PRKCZ: variants seen among roughly 807,000 people sequenced by gnomAD.
PRKCZ encodes protein kinase C zeta type.
In PRKCZ, 33 loss-of-function variants were observed where a neutral mutation model predicts 79.5. That is an observed-to-expected ratio of 0.41 (90% CI 0.31 to 0.55). PRKCZ has a LOEUF of 0.55. PRKCZ is among the 20% of genes least tolerant of loss of function. The probability of loss-of-function intolerance (pLI) is 0.19; values close to 1 mark genes in which losing one functional copy is unlikely to be tolerated. For synonymous variants in PRKCZ, 342 were observed against 320.9 expected, an observed-to-expected ratio of 1.07 and a Z score of -0.70; for missense variants, 578 against 813.5, an observed-to-expected ratio of 0.71 and a Z score of 3.52.
chr1:2,140,739 C>T (rs1203545136), intron 5 of PRKCZ, among the ~76,000 whole-genome samples: 1 of 152,152 alleles, frequency 6.6e-6, no homozygotes, highest in Non-Finnish European at 1.5e-5. Context: ...GAGGCTGGAG[C>T]GGGCAGATCA....
intron 16 of PRKCZ, among the ~76,000 whole-genome samples, chr1:2,180,746 G>A (rs1686445119): frequency 6.6e-6 from 1 of 152,282 alleles, no homozygotes; most frequent in Admixed American, 6.5e-5. Context: ...CCACCCCAGG[G>A]CTCTCTGGGC....
intron 4 of PRKCZ, among the ~76,000 whole-genome samples, chr1:2,064,061 A>G (rs1440354091): frequency 6.6e-6 from 1 of 151,908 alleles, no homozygotes; most frequent in Non-Finnish European, 1.5e-5. Context: ...TGGCCAGGTT[A>G]GTCTTGAACT....
intron 4 of PRKCZ, among the ~76,000 whole-genome samples, chr1:2,096,049 G>A (rs1666453013): frequency 6.6e-6 from 1 of 151,430 alleles, no homozygotes; most frequent in Non-Finnish European, 1.5e-5. Context: ...TGGGATCAGG[G>A]CAGCCAGGCA....
chr1:2,112,934 C>T (rs529110437), intron 4 of PRKCZ, among the ~76,000 whole-genome samples: 17 of 152,340 alleles, frequency 1.1e-4, no homozygotes, highest in African/African-American at 3.6e-4. Flanking sequence ...TCAGGCGATC[C>T]GCCTGCCTTG....
In PRKCZ at chr1:2,174,602, C is replaced by G; in HGVS notation, c.1406-152C>G. 1 of 705,010 alleles carries G rather than the reference C, an allele frequency of 1.4e-6. No homozygotes were observed. The highest frequency in any genetic ancestry group is 2.4e-6 in the Non-Finnish European group (1 of 420,890). 43.7% of individuals were successfully genotyped at this position (705,010 alleles called of 1,614,324 possible). A position where few individuals can be genotyped will look rare whatever the true frequency, so the allele number is the denominator to read the frequency against. ...GCCCAGGGAGGACCCGGCGGGACTC[C>G]GGGTTATAGATATTGCTGGGCTGTA... On this transcript the variant is annotated intron_variant, in intron 14 of 17. Transcript: ENST00000378567. This position sits in a 1 kb window ranked among gnomAD's most constrained non-coding sequence, Gnocchi z 6.2.
Position 2,169,548 on chromosome 1 carries a change from C to A in PRKCZ, c.1005C>A (p.Gly335=). ...RLFLVIEYVN[G]GDLMFHMQRQ... ...TCCTGGTCATTGAGTACGTCAACGG[C>A]GGGGACCTGATGTTCCACATGCAGA... is the stretch of plus-strand genomic sequence containing the variant. Residue 335 remains glycine, a synonymous_variant, in exon 11 of 18, where the codon GGC becomes GGA. Transcript: ENST00000378567. 1 of 1,543,390 alleles carries A rather than the reference C, an allele frequency of 6.5e-7. No homozygotes were observed. Among genetic ancestry groups the A allele is most frequent in the Non-Finnish European group, 8.8e-7 (1 of 1,141,634 alleles).
chr1:2,120,183 T>C, intron 4 of PRKCZ, among the ~76,000 whole-genome samples: 1 of 151,702 alleles, frequency 6.6e-6, no homozygotes, highest in Non-Finnish European at 1.5e-5. Context: ...AGCAGCCTTG[T>C]GAAGGACAGA....
intron 4 of PRKCZ, among the ~76,000 whole-genome samples, chr1:2,124,891 A>T (rs566551148): frequency 6.6e-6 from 1 of 151,888 alleles, no homozygotes; most frequent in African/African-American, 2.4e-5. Context: ...CTTATTTTCC[A>T]GCTTTCGTCG....
At chr1:2,167,900 G>A (rs144928726) in intron 10 of PRKCZ, among the ~76,000 whole-genome samples, 247 of 152,206 alleles carry the variant, frequency 1.6e-3, no homozygotes, top group African/African-American at 5.6e-3. Flanking sequence ...GAGCCACCAC[G>A]CCCAGGCACT....
intron 4 of PRKCZ, among the ~76,000 whole-genome samples, chr1:2,107,346 T>TC (rs912572927): frequency 6.6e-6 from 1 of 152,224 alleles, no homozygotes; most frequent in African/African-American, 2.4e-5. Context: ...CCTGCTTTTT[T>TC]CCCGCACGTC....
rs1443531469 is a variant in PRKCZ at position 2,114,984 on chromosome 1, A to C, written c.335-20278A>C. Among the ~76,000 whole-genome samples the C allele has an allele frequency of 5.9e-5, 9 of 152,238 alleles. 1 individual carries two copies. Among genetic ancestry groups the C allele is most frequent in the Admixed American group, 5.9e-4 (9 of 15,284 alleles). On this transcript the variant is annotated intron_variant, in intron 4 of 17. Transcript: ENST00000378567. ...AACTCCACGAGTTTTTACAAAGCAA[A>C]CTGCACCGCGTCACATAGCTGATCC...
chr1:2,055,745 C>G, intron 2 of PRKCZ, 183 bp downstream of exon 2: 1 of 888,380 alleles, frequency 1.1e-6, no homozygotes, highest in South Asian at 1.9e-5. Context: ...AGATGCTTAT[C>G]AAGGACCTGG....
chr1:2,076,179 G>A (rs566136753), intron 4 of PRKCZ, among the ~76,000 whole-genome samples: 3 of 152,190 alleles, frequency 2.0e-5, no homozygotes, highest in Non-Finnish European at 4.4e-5. Flanking sequence ...GATGACATCT[G>A]AAAAACCAGG....
chr1:2,127,065 C>T lies in PRKCZ; in HGVS notation c.335-8197C>T, dbSNP rs539833879. Reference sequence around the variant, plus strand: ...CCTCGGCTGTGCCTCTTCTGTCTCTCGAGCTCTTCTGTGCCGTGTGGTTGC... The same window carrying T: ...CCTCGGCTGTGCCTCTTCTGTCTCTTGAGCTCTTCTGTGCCGTGTGGTTGC... On this transcript the variant is annotated intron_variant, in intron 4 of 17. Coordinates refer to ENST00000378567, the MANE Select transcript of PRKCZ (RefSeq NM_002744.6). This position sits in a 1 kb window ranked among gnomAD's most constrained non-coding sequence, Gnocchi z 5.1. 2.2e-4 allele frequency among the ~76,000 whole-genome samples: 33 copies of T among 152,208 alleles called. No homozygotes were observed. Among genetic ancestry groups the T allele is most frequent in the Non-Finnish European group, 3.5e-4 (24 of 68,040 alleles).
intron 5 of PRKCZ, among the ~76,000 whole-genome samples, chr1:2,139,709 G>T (rs962261351): frequency 1.3e-5 from 2 of 152,220 alleles, no homozygotes; most frequent in African/African-American, 4.8e-5. Context: ...TGGAAATCAC[G>T]CAGAAATGTG....
At chr1:2,091,474 C>T (rs1375645053) in intron 4 of PRKCZ, among the ~76,000 whole-genome samples, 2 of 152,208 alleles carry the variant, frequency 1.3e-5, no homozygotes, top group Non-Finnish European at 2.9e-5. Context: ...ACAGAACCTC[C>T]GCAGTCCCAC....
In PRKCZ at chr1:2,095,449, C is replaced by T. The variant is rs1432936740; in HGVS notation, c.334+35858C>T. ...GCCCAGTGGTTGAGTCGCTGGTGCC[C>T]ACCGAGGGCCCAGGGAGTGAGGGAC... On this transcript the variant is annotated intron_variant, in intron 4 of 17. Transcript: ENST00000378567. 3.3e-5 allele frequency among the ~76,000 whole-genome samples: 5 copies of T among 152,242 alleles called. No homozygotes were observed. The Middle Eastern group carries it at 0.014, about 414-fold the overall frequency.
At chr1:2,052,651 G>A (rs1392712601) in intron 1 of PRKCZ, among the ~76,000 whole-genome samples, 2 of 152,014 alleles carry the variant, frequency 1.3e-5, no homozygotes, top group Admixed American at 6.5e-5. Context: ...CTGGCTCCTC[G>A]TCCCTCTGGG....
chr1:2,092,751 G>A (rs1448789467), intron 4 of PRKCZ, among the ~76,000 whole-genome samples: 1 of 152,218 alleles, frequency 6.6e-6, no homozygotes, highest in Non-Finnish European at 1.5e-5. Flanking sequence ...ATCCGAGGCA[G>A]CTGGAGGCCC....
Sources: allele counts gnomAD v4.1 joint callset (sites outside exome capture counted in the v4.1 genomes callset), GRCh38; gene constraint gnomAD v4.1.1; non-coding constraint Gnocchi (gnomAD v3.1); transcripts MANE v1.5; gene names NCBI Gene and HGNC (gene_info 2026-07-23, HGNC 2026-07-21).